The following LRFN5 variants were observed in gnomAD, a reference collection of about 807,000 sequenced individuals.
LRFN5 encodes the protein leucine rich repeat and fibronectin type III domain containing 5.
LRFN5 carries 24 observed loss-of-function variants against 45.6 expected under a neutral mutation model. The observed-to-expected ratio is 0.53, with a 90% CI of 0.38 to 0.74. LRFN5 has a LOEUF of 0.74. Among genes scored for constraint, LRFN5 ranks in the 30% least tolerant of loss-of-function variants. LRFN5 has a pLI of 0.00. For synonymous variants in LRFN5, 340 were observed against 313.8 expected (o/e 1.08, Z -0.88); for missense variants, 776 against 861.5 (o/e 0.90, Z 1.24).
intron 1 of LRFN5, chr14:41,701,365 C>G (rs553796966): frequency 3.3e-4 from 50 of 152,216 alleles, no homozygotes; most frequent in African/African-American, 1.1e-3. Flanking sequence ...CAATGGGGAC[C>G]TAAGCTTGTA....
chr14:41,754,404 T>C (rs1236052844), intron 1 of LRFN5, among the ~76,000 whole-genome samples: 1 of 152,192 alleles, frequency 6.6e-6, no homozygotes, highest in Admixed American at 6.5e-5. Context: ...TGGACTTTTT[T>C]TTGGTTCGTA....
intron 1 of LRFN5, among the ~76,000 whole-genome samples, chr14:41,627,885 C>A (rs1183354229): frequency 6.6e-6 from 1 of 151,916 alleles, no homozygotes; most frequent in African/African-American, 2.4e-5. Flanking sequence ...AAATTGTATA[C>A]ATTTTTTTTT....
At chr14:41,762,067 G>T (rs1885693786) in intron 1 of LRFN5, among the ~76,000 whole-genome samples, 2 of 148,090 alleles carry the variant, frequency 1.4e-5, no homozygotes, top group Admixed American at 6.8e-5. Context: ...GAAACATAGT[G>T]AATGAGTCAT....
chr14:41,763,486 G>A (rs942065815), intron 1 of LRFN5, among the ~76,000 whole-genome samples: 3 of 152,088 alleles, frequency 2.0e-5, no homozygotes, highest in African/African-American at 4.8e-5. Context: ...TTTAGTATTG[G>A]CACCTTATGT....
chr14:41,770,770 CCA>C (rs1482437823), intron 2 of LRFN5, among the ~76,000 whole-genome samples: 1 of 152,094 alleles, frequency 6.6e-6, no homozygotes, highest in Non-Finnish European at 1.5e-5. Context: ...AGTGAATCTA[CCA>C]CTCTGGGTTC....
At chr14:41,837,426 C>T (rs1888701870) in intron 2 of LRFN5, among the ~76,000 whole-genome samples, 1 of 152,096 alleles carries the variant, frequency 6.6e-6, no homozygotes, top group Non-Finnish European at 1.5e-5. Flanking sequence ...TTCTTAGTCT[C>T]CTTACTCTGT....
intron 1 of LRFN5, among the ~76,000 whole-genome samples, chr14:41,702,451 G>C (rs1882876652): frequency 6.8e-6 from 1 of 147,280 alleles, no homozygotes; most frequent in African/African-American, 2.5e-5. Flanking sequence ...CTTCTTGTTG[G>C]TGGTGAAGGT....
chr14:41,652,039 A>G (rs1880148507), intron 1 of LRFN5, among the ~76,000 whole-genome samples: 1 of 152,092 alleles, frequency 6.6e-6, no homozygotes, highest in Non-Finnish European at 1.5e-5. Flanking sequence ...CCATTTCCAA[A>G]TACAGTCACA....
At chr14:41,709,999 T>G (rs1269883098) in intron 1 of LRFN5, among the ~76,000 whole-genome samples, 1 of 152,056 alleles carries the variant, frequency 6.6e-6, no homozygotes, top group Non-Finnish European at 1.5e-5. Context: ...TTTTTTTTTC[T>G]CTGAGCATAG....
intron 2 of LRFN5, among the ~76,000 whole-genome samples, chr14:41,771,761 T>C (rs1417244212): frequency 6.6e-6 from 1 of 152,174 alleles, no homozygotes. Flanking sequence ...TTAACCAGTC[T>C]CTTAGAATTC....
At chr14:41,859,607 G>A (rs1020097639) in intron 2 of LRFN5, among the ~76,000 whole-genome samples, 2 of 152,186 alleles carry the variant, frequency 1.3e-5, no homozygotes, top group Non-Finnish European at 2.9e-5. Flanking sequence ...TTTAGGTAGT[G>A]CTATAAATGA....
At chr14:41,772,708 C>T (rs1354044393) in intron 2 of LRFN5, among the ~76,000 whole-genome samples, 1 of 152,080 alleles carries the variant, frequency 6.6e-6, no homozygotes, top group Non-Finnish European at 1.5e-5. Flanking sequence ...GGAAAACTAA[C>T]CTCTTGATTA....
At chr14:41,804,362 T>C (rs573636241) in intron 2 of LRFN5, among the ~76,000 whole-genome samples, 38 of 152,160 alleles carry the variant, frequency 2.5e-4, no homozygotes, top group Non-Finnish European at 3.8e-4. Context: ...CAGATCTGGG[T>C]GGAGCCATTT....
chr14:41,868,765 G>A (rs1889920862), intron 2 of LRFN5, among the ~76,000 whole-genome samples: 1 of 152,132 alleles, frequency 6.6e-6, no homozygotes, highest in Admixed American at 6.6e-5. Flanking sequence ...AAACATTTTT[G>A]TGAAATGCAT....
intron 1 of LRFN5, among the ~76,000 whole-genome samples, chr14:41,673,293 C>T (rs972245791): frequency 3.3e-5 from 5 of 151,432 alleles, no homozygotes; most frequent in Non-Finnish European, 5.9e-5. Context: ...TAGGGGCAGC[C>T]GGGCAGAGGC....
chr14:41,799,722 G>T (rs555781064), intron 2 of LRFN5, among the ~76,000 whole-genome samples: 1 of 152,138 alleles, frequency 6.6e-6, no homozygotes, highest in South Asian at 2.1e-4. Flanking sequence ...TAGGGTATGT[G>T]AGGAGATAAA....
At chr14:41,710,447 G>C (rs17181588) in intron 1 of LRFN5, among the ~76,000 whole-genome samples, 1 of 151,936 alleles carries the variant, frequency 6.6e-6, no homozygotes. Flanking sequence ...TATGTATTCA[G>C]TAGAGGGTTT....
At chr14:41,646,341 ATTTC>A (rs1879818522) in intron 1 of LRFN5, among the ~76,000 whole-genome samples, 2 of 152,074 alleles carry the variant, frequency 1.3e-5, no homozygotes, top group South Asian at 4.1e-4. Flanking sequence ...TATTGCAGAA[ATTTC>A]TTTCTATTCC....
intron 1 of LRFN5, among the ~76,000 whole-genome samples, chr14:41,757,402 C>T (rs1172546333): frequency 6.6e-6 from 1 of 152,202 alleles, no homozygotes; most frequent in Non-Finnish European, 1.5e-5. Flanking sequence ...TGGTGGGCTT[C>T]ACCCAGTTCA....
Sources: allele counts gnomAD v4.1 joint callset (sites outside exome capture counted in the v4.1 genomes callset), GRCh38; gene constraint gnomAD v4.1.1; transcripts MANE v1.5; gene names NCBI Gene and HGNC (gene_info 2026-07-23, HGNC 2026-07-21).